Variants in FBXL4 observed in about 807,000 individuals in gnomAD.
FBXL4 encodes F-box and leucine rich repeat protein 4, also known as F-box/LRR-repeat protein 4.
In FBXL4, 40 loss-of-function variants were observed where a neutral mutation model predicts 58.9. The ratio of observed to expected loss-of-function variants is 0.68; its 90% CI spans 0.53 to 0.88. FBXL4 has a LOEUF of 0.88. Among genes scored for constraint, FBXL4 ranks in the 40% least tolerant of loss-of-function variants. The probability of loss-of-function intolerance (pLI) is 0.00; values close to 1 mark genes in which losing one functional copy is unlikely to be tolerated. For missense variants in FBXL4, 676 were observed against 734.4 expected, an observed-to-expected ratio of 0.92 and a Z score of 0.92; for synonymous variants, 263 against 265.5, an observed-to-expected ratio of 0.99 and a Z score of 0.09.
At chr6:98,935,655 G>A (rs1273442325) in intron 1 of FBXL4, among the ~76,000 whole-genome samples, 1 of 151,292 alleles carries the variant, frequency 6.6e-6, no homozygotes, top group Non-Finnish European at 1.5e-5. Flanking sequence ...CGGGCGCGGT[G>A]GCGGGCGCCT....
intron 4 of FBXL4, among the ~76,000 whole-genome samples, chr6:98,923,035 A>G (rs1196163449): frequency 6.6e-6 from 1 of 152,062 alleles, no homozygotes; most frequent in Non-Finnish European, 1.5e-5. Context: ...TACACTTACA[A>G]CCTTCTTCAC....
intron 4 of FBXL4, among the ~76,000 whole-genome samples, chr6:98,920,819 TACACACACACACACACAC>T (rs10633715): frequency 3.5e-5 from 5 of 144,842 alleles, no homozygotes; most frequent in Non-Finnish European, 7.7e-5. Context: ...TACACACACA[TACACACACACACACACAC>T]ACACACACAC....
chr6:98,880,231 G>A (rs1770802524), intron 8 of FBXL4, among the ~76,000 whole-genome samples: 1 of 152,160 alleles, frequency 6.6e-6, no homozygotes. Context: ...TCGGCATTTA[G>A]GTATGACTAA....
chr6:98,879,617 T>C (rs1770772139), intron 8 of FBXL4, among the ~76,000 whole-genome samples: 1 of 152,086 alleles, frequency 6.6e-6, no homozygotes, highest in Non-Finnish European at 1.5e-5. Flanking sequence ...GCGCAGTGGC[T>C]CACACCTGTA....
chr6:98,916,217 T>G (rs981734077), intron 5 of FBXL4, among the ~76,000 whole-genome samples: 52 of 152,012 alleles, frequency 3.4e-4, no homozygotes, highest in Non-Finnish European at 5.4e-4. Context: ...ACACTGTTGG[T>G]GGGACTGTAA....
intron 2 of FBXL4, among the ~76,000 whole-genome samples, chr6:98,933,792 T>C (rs1426840603): frequency 6.6e-6 from 1 of 152,002 alleles, no homozygotes; most frequent in Non-Finnish European, 1.5e-5. Context: ...GTAGATGGCA[T>C]AAGAGAATTA....
chr6:98,922,056 T>G (rs2128403078), intron 4 of FBXL4, among the ~76,000 whole-genome samples: 1 of 152,270 alleles, frequency 6.6e-6, no homozygotes, highest in Non-Finnish European at 1.5e-5. Flanking sequence ...GCCTCCCGAA[T>G]AGCTGGAATT....
chr6:98,876,452 C>T (rs1299453799), intron 8 of FBXL4, among the ~76,000 whole-genome samples: 1 of 152,048 alleles, frequency 6.6e-6, no homozygotes, highest in Admixed American at 6.5e-5. Context: ...AAAATTATCA[C>T]AAGGAAAATT....
Position 98,905,501 on chromosome 6 carries a change from C to T in FBXL4, c.1028G>A (p.Arg343His), listed in dbSNP as rs1187735129. ...ATTAAGCCACTGGACAAGAGTGCAG[C>T]GAGACTGTAGAAATTCCAGAGAAGT... The part of the protein sequence containing the change: ...DDTSLEFLQS[R>H]CTLVQWLNLS... Residue 343 changes from arginine to histidine, a missense_variant, in exon 6 of 10, where the codon CGC becomes CAC. Physicochemically the swap from Arg to His is conservative, Grantham distance 29. Transcript: ENST00000369244. 4.3e-6 allele frequency: 7 copies of T among 1,613,796 alleles called. No individual in the cohort carries two copies. The highest frequency in any genetic ancestry group is 4.0e-5 in the African/African-American group (3 of 74,878).
At chr6:98,875,837 A>G in intron 8 of FBXL4, 110 bp from the exon 9 acceptor site, 1 of 1,061,604 alleles carries the variant, frequency 9.4e-7, no homozygotes, top group South Asian at 1.4e-5. Context: ...CATGTAAACA[A>G]ATCCACATCC....
In FBXL4 at chr6:98,879,812, AC is replaced by A. The variant is rs374188174; in HGVS notation, c.1389+740del. 4.4e-3 allele frequency among the ~76,000 whole-genome samples: 674 copies of A among 152,146 alleles called. 6 individuals are homozygous for A. The highest frequency in any genetic ancestry group is 0.015 in the African/African-American group (630 of 41,498). On this transcript the variant is annotated intron_variant, in intron 8 of 9. Transcript: ENST00000369244. ...AAAAAAATTAGCCGGGCATAGTGGTACATCCCTGTAATCCCAGCTACTTGGG... is the reference window on the plus strand; with the variant it reads ...AAAAAAATTAGCCGGGCATAGTGGTAATCCCTGTAATCCCAGCTACTTGGG...
intron 9 of FBXL4, among the ~76,000 whole-genome samples, chr6:98,875,062 AC>A (rs1422335783): frequency 2.0e-5 from 3 of 152,216 alleles, no homozygotes; most frequent in African/African-American, 7.2e-5. Flanking sequence ...CTTAAAAAAA[AC>A]TAGCTTGAAT....
chr6:98,942,200 TA>T lies in FBXL4; in HGVS notation c.-309+5605del, dbSNP rs796301457. On this transcript the variant is annotated intron_variant, in intron 1 of 9. Transcript: ENST00000369244. ...CTATTACTTAAAAATGTATGCCAGT[TA>T]AAAAAAAAAACAACAGAATTAAATA... Among the ~76,000 whole-genome samples, 661 of 145,246 alleles carry T rather than the reference TA, an allele frequency of 4.6e-3. 6 individuals carry two copies. Among genetic ancestry groups the T allele is most frequent in the African/African-American group, 0.015 (597 of 39,752 alleles).
intron 7 of FBXL4, among the ~76,000 whole-genome samples, chr6:98,882,978 G>A (rs1434840988): frequency 6.6e-6 from 1 of 151,922 alleles, no homozygotes; most frequent in African/African-American, 2.4e-5. Flanking sequence ...GAATTTCCAG[G>A]TGTTTATGTA....
intron 4 of FBXL4, among the ~76,000 whole-genome samples, chr6:98,921,694 G>A (rs1772588233): frequency 2.6e-5 from 4 of 151,936 alleles, no homozygotes; most frequent in Non-Finnish European, 4.4e-5. Flanking sequence ...TTGTGAAATC[G>A]TTACTTAAGC....
In FBXL4 at chr6:98,940,477, T is replaced by C. The variant is rs1276353346; in HGVS notation, c.-308-5598A>G. 2.0e-5 allele frequency among the ~76,000 whole-genome samples: 3 copies of C among 152,350 alleles called. No individual in the cohort carries two copies. The East Asian group carries it at 5.8e-4, about 29-fold the overall frequency. ...ACATCCTCATCAATAGTTAATATTG[T>C]CAATCTTCATCCATTCTAGTGGGTG... On this transcript the variant is annotated intron_variant, in intron 1 of 9. Transcript: ENST00000369244.
chr6:98,885,613 G>A (rs13206505), intron 7 of FBXL4, among the ~76,000 whole-genome samples: 7,610 of 152,110 alleles, frequency 0.05, 266 homozygotes, highest in Middle Eastern at 0.12. Flanking sequence ...AAACTGGGAC[G>A]CTGGTTTCTT....
intron 4 of FBXL4, among the ~76,000 whole-genome samples, chr6:98,925,303 A>T (rs543598215): frequency 6.6e-6 from 1 of 152,310 alleles, no homozygotes; most frequent in African/African-American, 2.4e-5. Flanking sequence ...TGCTAGTGGG[A>T]ATATAAATAG....
intron 7 of FBXL4, among the ~76,000 whole-genome samples, chr6:98,889,673 T>G (rs1255185846): frequency 7.7e-6 from 1 of 130,162 alleles, no homozygotes; most frequent in African/African-American, 3.1e-5. Context: ...AGTGACACCC[T>G]GTCTCAAAAA....
Sources: gnomAD v4.1 joint callset for allele counts (sites outside exome capture counted in the v4.1 genomes callset) on GRCh38, gnomAD v4.1.1 for gene constraint, MANE v1.5 for transcripts, NCBI Gene and HGNC (gene_info 2026-07-23, HGNC 2026-07-21) for gene names.